Variants in RARG observed in about 807,000 individuals in gnomAD.
RARG encodes retinoic acid receptor gamma.
Under a neutral mutation model 43.7 loss-of-function variants are expected in RARG, and 17 were observed. The ratio of observed to expected loss-of-function variants is 0.39; its 90% CI spans 0.27 to 0.58. The LOEUF is 0.58. Among genes scored for constraint, RARG ranks in the 20% least tolerant of loss-of-function variants. The pLI is 0.57. For synonymous variants in RARG, 238 were observed against 236.4 expected (o/e 1.01, Z -0.06); for missense variants, 346 against 598.7 (o/e 0.58, Z 4.40).
chr12:53,223,470 G>C (rs1402926536), intron 3 of RARG, among the ~76,000 whole-genome samples: 1 of 151,052 alleles, frequency 6.6e-6, no homozygotes, highest in Non-Finnish European at 1.5e-5. Context: ...AGGGGGCCAG[G>C]AGAGGGGGGT....
intron 2 of RARG, among the ~76,000 whole-genome samples, chr12:53,230,235 C>T (rs1215279858): frequency 2.0e-5 from 3 of 151,386 alleles, no homozygotes; most frequent in Admixed American, 6.6e-5. Flanking sequence ...GGTGGGGCAG[C>T]GGGGATGACA....
At position 53,227,252 on chromosome 12, in the gene RARG, CCT is replaced by C. The variant is rs1943130942; in HGVS notation, c.184+108_184+109del. 8.1e-7 allele frequency: 1 copy of C among 1,229,744 alleles called. No homozygotes were observed. Among genetic ancestry groups the C allele is most frequent in the Non-Finnish European group, 1.1e-6 (1 of 895,730 alleles). 76.2% of individuals were successfully genotyped at this position (1,229,744 alleles called of 1,614,324 possible). ...CACTACTACTCCATTAGGCCAAACC[CCT>C]GTCCCCTGCCTGCCTTCCTAACTGG... On this transcript the variant is annotated intron_variant, in intron 3 of 9. Coordinates refer to ENST00000425354, the MANE Select transcript of RARG (RefSeq NM_000966.6). The surrounding 1 kb of genome is among the most constrained non-coding windows in gnomAD (Gnocchi z 4.3).
At position 53,232,072 on chromosome 12, in the gene RARG, G is replaced by A. The variant is rs555682666; in HGVS notation, c.-308C>T. 1 of 398,536 alleles carries A rather than the reference G, an allele frequency of 2.5e-6. No homozygotes were observed. 24.7% of individuals were successfully genotyped at this position (398,536 alleles called of 1,614,324 possible). A position where few individuals can be genotyped will look rare whatever the true frequency, so the allele number is the denominator to read the frequency against. ...CGCAATGTCCGGGGCTCGCCGTACTGGGGGGCTCCTGGGGGGGCACGGCTC... is the reference window on the plus strand; with the variant it reads ...CGCAATGTCCGGGGCTCGCCGTACTAGGGGGCTCCTGGGGGGGCACGGCTC... On this transcript the variant is annotated 5_prime_UTR_variant, in exon 1 of 10. Transcript: ENST00000425354.
chr12:53,228,166 T>A (rs1398309627), intron 2 of RARG, among the ~76,000 whole-genome samples: 4 of 152,176 alleles, frequency 2.6e-5, no homozygotes. Flanking sequence ...TGTTATAACC[T>A]GGGAGCCCTA....
At chr12:53,216,151 A>G (rs1942755158) in intron 3 of RARG, among the ~76,000 whole-genome samples, 1 of 152,162 alleles carries the variant, frequency 6.6e-6, no homozygotes, top group South Asian at 2.1e-4. Flanking sequence ...AGGTGGGTAG[A>G]AGAGTTAAAG....
intron 3 of RARG, among the ~76,000 whole-genome samples, chr12:53,217,078 G>C (rs1942793452): frequency 6.6e-6 from 1 of 152,070 alleles, no homozygotes; most frequent in African/African-American, 2.4e-5. Context: ...AGGGCGGAAG[G>C]AATGCCCAGG....
chr12:53,226,630 T>A (rs190345293), intron 3 of RARG, among the ~76,000 whole-genome samples: 2,123 of 146,184 alleles, frequency 0.015, 61 homozygotes, highest in African/African-American at 0.052. Context: ...TTTTTTTTTT[T>A]AGACAGATTC....
In RARG at chr12:53,211,317, G is replaced by A. The variant is rs1335145062; in HGVS notation, c.*359C>T. On this transcript the variant is annotated 3_prime_UTR_variant, in exon 10 of 10. Coordinates refer to ENST00000425354, the MANE Select transcript of RARG (RefSeq NM_000966.6). This position sits in a 1 kb window ranked among gnomAD's most constrained non-coding sequence, Gnocchi z 4.6. The stretch of plus-strand genomic sequence containing the variant: ...TCTCTAGTGTTCCTGTTTGCTCTCA[G>A]AGAGCCAAGCACCTGGCAGAGGAAG... The A allele has an allele frequency of 5.2e-6, 1 of 193,486 alleles. No individual in the cohort carries two copies. The highest frequency in any genetic ancestry group is 1.1e-5 in the Non-Finnish European group (1 of 95,112). The allele number at this position is 193,486 out of a possible 1,614,324, so 12.0% of individuals were successfully genotyped here.
intron 7 of RARG, 33 bp downstream of exon 7, chr12:53,214,026 G>A (rs780162131): frequency 8.2e-6 from 13 of 1,594,208 alleles, no homozygotes; most frequent in South Asian, 5.6e-5. Flanking sequence ...TATGTGGGTC[G>A]GGCTGTGGCA....
chr12:53,218,841 C>T (rs1942856350), intron 3 of RARG, among the ~76,000 whole-genome samples: 1 of 150,378 alleles, frequency 6.6e-6, no homozygotes, highest in Non-Finnish European at 1.5e-5. Context: ...TGCCCCCAAG[C>T]CCCTCATCCC....
intron 1 of RARG, 40 bp from the exon 2 acceptor site, chr12:53,231,275 A>G (rs1943230359): frequency 1.3e-5 from 2 of 152,296 alleles, no homozygotes; most frequent in South Asian, 4.1e-4. Context: ...CTCTGGGACC[A>G]GCACTCCTGG....
intron 3 of RARG, among the ~76,000 whole-genome samples, chr12:53,218,404 A>G (rs1565723701): frequency 6.6e-6 from 1 of 152,174 alleles, no homozygotes; most frequent in Non-Finnish European, 1.5e-5. Flanking sequence ...GTCTCTGCCC[A>G]GCCCCCAGAA....
At chr12:53,218,586 C>T (rs924731180) in intron 3 of RARG, among the ~76,000 whole-genome samples, 50 of 152,298 alleles carry the variant, frequency 3.3e-4, no homozygotes, top group African/African-American at 1.2e-3. Context: ...AAATTCTTCC[C>T]CCACCCCACC....
chr12:53,215,613 T>C lies in RARG; in HGVS notation c.333+33A>G. 9 of 1,598,966 alleles carry C rather than the reference T, an allele frequency of 5.6e-6. No individual in the cohort carries two copies. Among genetic ancestry groups the C allele is most frequent in the Non-Finnish European group, 6.8e-6 (8 of 1,170,716 alleles). ...CTCTCATCTTACTAGGGTAACTGGA[T>C]CCCCCGTCTGCCCACTCCCACCACG... On this transcript the variant is annotated intron_variant, in intron 4 of 9. Transcript: ENST00000425354. The surrounding 1 kb of genome is among the most constrained non-coding windows in gnomAD (Gnocchi z 6.4).
rs145110740 is a variant in RARG at position 53,228,157 on chromosome 12, G to C, written c.-142-470C>G. Among the ~76,000 whole-genome samples the C allele has an allele frequency of 2.1e-3, 322 of 152,298 alleles. 7 individuals are homozygous for C. Among genetic ancestry groups the C allele is most frequent in the Admixed American group, 3.3e-3 (51 of 15,298 alleles). On this transcript the variant is annotated intron_variant, in intron 2 of 9. Transcript: ENST00000425354. The stretch of plus-strand genomic sequence containing the variant: ...TCCTGGAGAAGGCAAACATAACTCT[G>C]TTATAACCTGGGAGCCCTACAGCTC...
rs1342710185 is a variant in RARG, at chr12:53,214,004, T to C, written c.813+55A>G. ...AATCTTTGCATGGATCAAGGAATTG[T>C]TGAGGGTCCCATATGTGGGTCGGGC... On this transcript the variant is annotated intron_variant, in intron 7 of 9. Transcript: ENST00000425354. 3.2e-6 allele frequency: 5 copies of C among 1,544,898 alleles called. No individual in the cohort carries two copies. In the South Asian group the frequency reaches 4.7e-5, roughly 14 times the overall value.
chr12:53,212,747 C>T (rs966475570), intron 9 of RARG, among the ~76,000 whole-genome samples: 51 of 148,002 alleles, frequency 3.4e-4, no homozygotes, highest in East Asian at 1.9e-3. Flanking sequence ...TACACACACA[C>T]ACACACACAC....
Position 53,213,850 on chromosome 12 carries a change from G to A in RARG, c.814-150C>T. The A allele has an allele frequency of 9.0e-7, 1 of 1,107,324 alleles. No individual in the cohort carries two copies. The highest frequency in any genetic ancestry group is 1.3e-6 in the Non-Finnish European group (1 of 765,488). The allele number at this position is 1,107,324 out of a possible 1,614,324, so 68.6% of individuals were successfully genotyped here. A position where few individuals can be genotyped will look rare whatever the true frequency, so the allele number is the denominator to read the frequency against. On this transcript the variant is annotated intron_variant, in intron 7 of 9. Transcript: ENST00000425354. The surrounding 1 kb of genome is among the most constrained non-coding windows in gnomAD (Gnocchi z 4.7). ...GAGGTGGAGGATCTGAGGCTTGGCAGGGGTAGTCCCGGGAAGTCAGGAGGA... is the reference window on the plus strand; with the variant it reads ...GAGGTGGAGGATCTGAGGCTTGGCAAGGGTAGTCCCGGGAAGTCAGGAGGA...
At chr12:53,228,426 T>C (rs925346181) in intron 2 of RARG, among the ~76,000 whole-genome samples, 1 of 152,224 alleles carries the variant, frequency 6.6e-6, no homozygotes, top group Non-Finnish European at 1.5e-5. Context: ...GGAAATGTGA[T>C]GTAAATGTCT....
Sources: allele counts gnomAD v4.1 joint callset (sites outside exome capture counted in the v4.1 genomes callset), GRCh38; gene constraint gnomAD v4.1.1; non-coding constraint Gnocchi (gnomAD v3.1); transcripts MANE v1.5; gene names NCBI Gene and HGNC (gene_info 2026-07-23, HGNC 2026-07-21).